SMYD3: variants seen among roughly 807,000 people sequenced by gnomAD.
SMYD3 encodes the protein SET and MYND domain containing 3, also known as histone-lysine N-methyltransferase SMYD3.
A neutral mutation model predicts 57.7 loss-of-function variants in SMYD3; 36 were observed. The observed-to-expected ratio is 0.62, with a 90% confidence interval of 0.48 to 0.82. The LOEUF (loss-of-function observed/expected upper bound fraction) is 0.82, where lower values mean the gene tolerates loss of function less well. SMYD3 is among the 40% of genes least tolerant of loss of function. The pLI is 0.00. For missense variants in SMYD3, 515 were observed against 538.8 expected (o/e 0.96, Z 0.44); for synonymous variants, 211 against 195.0 (o/e 1.08, Z -0.68).
intron 10 of SMYD3, among the ~76,000 whole-genome samples, chr1:245,807,847 A>T (rs899666614): frequency 1.5e-4 from 22 of 151,194 alleles, no homozygotes; most frequent in African/African-American, 5.4e-4. Flanking sequence ...AAAAAACAGA[A>T]GCAATCTACA....
At chr1:246,491,978 T>A (rs1220900651) in intron 1 of SMYD3, among the ~76,000 whole-genome samples, 1 of 152,152 alleles carries the variant, frequency 6.6e-6, no homozygotes, top group Non-Finnish European at 1.5e-5. Flanking sequence ...GAACTAAAGC[T>A]AGAGCCTGTT....
intron 5 of SMYD3, among the ~76,000 whole-genome samples, chr1:246,146,910 C>T (rs1261857020): frequency 1.3e-5 from 2 of 152,166 alleles, no homozygotes; most frequent in East Asian, 3.9e-4. Context: ...ATCACTGCAG[C>T]AAACTGACAC....
chr1:245,821,970 A>C (rs1399297617), intron 10 of SMYD3, among the ~76,000 whole-genome samples: 1 of 152,022 alleles, frequency 6.6e-6, no homozygotes, highest in Non-Finnish European at 1.5e-5. Context: ...TAGTTCAACC[A>C]TTGTGGAAGT....
At chr1:246,371,564 C>T (rs1180613715) in intron 1 of SMYD3, among the ~76,000 whole-genome samples, 1 of 152,102 alleles carries the variant, frequency 6.6e-6, no homozygotes, top group Non-Finnish European at 1.5e-5. Flanking sequence ...ATAACTATTG[C>T]TAGTACAAAT....
chr1:246,105,716 G>T (rs1312370617), intron 5 of SMYD3, among the ~76,000 whole-genome samples: 1 of 152,200 alleles, frequency 6.6e-6, no homozygotes. Flanking sequence ...AATGTTAGAG[G>T]TTACCTCAGA....
At chr1:246,230,220 T>C (rs899127557) in intron 5 of SMYD3, among the ~76,000 whole-genome samples, 2 of 152,208 alleles carry the variant, frequency 1.3e-5, no homozygotes, top group Admixed American at 6.5e-5. Flanking sequence ...ATGTTTACAA[T>C]TGCTCCAAGT....
chr1:245,800,949 A>G (rs1376422751), intron 10 of SMYD3, among the ~76,000 whole-genome samples: 2 of 152,234 alleles, frequency 1.3e-5, no homozygotes. Flanking sequence ...AATTTTATAC[A>G]GTTTTCATTA....
chr1:246,082,530 G>A (rs2147845020), intron 5 of SMYD3, among the ~76,000 whole-genome samples: 1 of 152,048 alleles, frequency 6.6e-6, no homozygotes, highest in Middle Eastern at 3.4e-3. Flanking sequence ...ACATTCCCTA[G>A]CCCCTTGCCC....
At chr1:245,954,281 G>C (rs961649121) in intron 5 of SMYD3, among the ~76,000 whole-genome samples, 3 of 152,170 alleles carry the variant, frequency 2.0e-5, no homozygotes, top group African/African-American at 7.2e-5. Flanking sequence ...AGTTTCCTGA[G>C]TCAATATGGC....
intron 5 of SMYD3, among the ~76,000 whole-genome samples, chr1:246,211,530 T>C (rs949053602): frequency 7.1e-6 from 1 of 140,896 alleles, no homozygotes; most frequent in African/African-American, 2.7e-5. Context: ...ATGGGCAATG[T>C]TTCTACTAAA....
intron 3 of SMYD3, among the ~76,000 whole-genome samples, chr1:246,334,599 C>G (rs2065511521): frequency 6.6e-6 from 1 of 152,106 alleles, no homozygotes; most frequent in African/African-American, 2.4e-5. Flanking sequence ...AGATGAAAAG[C>G]TAGCTACTGG....
At chr1:245,752,503 A>G (rs761666407) in intron 11 of SMYD3, among the ~76,000 whole-genome samples, 1 of 151,406 alleles carries the variant, frequency 6.6e-6, no homozygotes, top group African/African-American at 2.4e-5. Flanking sequence ...CTTCAACAAC[A>G]TAAGTTCACT....
In SMYD3 at chr1:246,481,621, T is replaced by TATATATATATATATATAC. The variant is rs1307881494; in HGVS notation, c.164+25432_164+25433insGTATATATATATATATAT. Among the ~76,000 whole-genome samples the TATATATATATATATATAC allele has an allele frequency of 2.9e-3, 287 of 98,366 alleles. 6 individuals carry two copies. The highest frequency in any genetic ancestry group is 5.5e-3 in the East Asian group (15 of 2,732). 64.5% of individuals were successfully genotyped at this position (98,366 alleles called of 152,430 possible). Reference sequence around the variant, plus strand: ...ATATATATATATACACATACATATATACATACATACATACACATATTCATA... The same window carrying TATATATATATATATATAC: ...ATATATATATATACACATACATATATATATATATATATATATACACATACATACATACACATATTCATA... On this transcript the variant is annotated intron_variant, in intron 1 of 11. Transcript: ENST00000490107.
At chr1:246,378,823 A>C (rs1344450182) in intron 1 of SMYD3, among the ~76,000 whole-genome samples, 1 of 115,448 alleles carries the variant, frequency 8.7e-6, no homozygotes, top group Non-Finnish European at 1.7e-5. Context: ...TAATATATTT[A>C]TATAGTATAT....
At chr1:246,305,613 G>C (rs2064966014) in intron 5 of SMYD3, among the ~76,000 whole-genome samples, 1 of 152,086 alleles carries the variant, frequency 6.6e-6, no homozygotes, top group Admixed American at 6.5e-5. Flanking sequence ...ATTTGAAGAA[G>C]ATTATTTGAA....
intron 5 of SMYD3, among the ~76,000 whole-genome samples, chr1:246,125,847 T>A (rs1346611376): frequency 6.6e-6 from 1 of 152,032 alleles, no homozygotes; most frequent in African/African-American, 2.4e-5. Context: ...AATCAGTCCA[T>A]CAATGAAACA....
At chr1:246,155,420 T>C (rs1333252531) in intron 5 of SMYD3, among the ~76,000 whole-genome samples, 2 of 152,256 alleles carry the variant, frequency 1.3e-5, no homozygotes, top group East Asian at 1.9e-4. Flanking sequence ...CACTGATTGT[T>C]TGTAGATATG....
intron 10 of SMYD3, among the ~76,000 whole-genome samples, chr1:245,852,317 C>T (rs1284875840): frequency 1.4e-5 from 1 of 70,032 alleles, no homozygotes; most frequent in East Asian, 5.0e-4. Flanking sequence ...GTCATTCTCA[C>T]ACCAACCAGT....
rs1263823647 is a variant in SMYD3, at chr1:246,125,081, A to ACAC, written c.532-195145_532-195144insGTG. Among the ~76,000 whole-genome samples, 197 of 109,618 alleles carry ACAC rather than the reference A, an allele frequency of 1.8e-3. 1 individual carries two copies. The highest frequency in any genetic ancestry group is 5.2e-3 in the African/African-American group (193 of 37,288). 71.9% of individuals were successfully genotyped at this position (109,618 alleles called of 152,430 possible). ...AGCGAGACTCCGTCTCAAAAAAAAA[A>ACAC]AAAAAAACACACACACACACACACA... On this transcript the variant is annotated intron_variant, in intron 5 of 11. Transcript: ENST00000490107.
Sources: gnomAD v4.1 joint callset for allele counts (sites outside exome capture counted in the v4.1 genomes callset) on GRCh38, gnomAD v4.1.1 for gene constraint, MANE v1.5 for transcripts, NCBI Gene and HGNC (gene_info 2026-07-23, HGNC 2026-07-21) for gene names.